Variants in TMEM132D observed in about 807,000 individuals in gnomAD.
TMEM132D encodes the protein mature OL transmembrane protein.
TMEM132D carries 21 observed loss-of-function variants against 62.3 expected under a neutral mutation model. That is an observed-to-expected ratio of 0.34 (90% CI 0.24 to 0.49). The LOEUF is 0.49. Ranked by LOEUF, TMEM132D falls within the 20% of genes least tolerant of loss-of-function variation. The pLI, the probability that TMEM132D is intolerant of heterozygous loss-of-function variation, is 0.99. For missense variants in TMEM132D, 1,346 were observed against 1,402.8 expected (o/e 0.96, Z 0.65); for synonymous variants, 621 against 575.6 (o/e 1.08, Z -1.13).
intron 3 of TMEM132D, among the ~76,000 whole-genome samples, chr12:129,392,106 G>A (rs190780879): frequency 1.3e-5 from 2 of 151,324 alleles, no homozygotes; most frequent in Admixed American, 6.6e-5. Context: ...TGCCCAGGCT[G>A]GAGGGCAATG....
intron 3 of TMEM132D, among the ~76,000 whole-genome samples, chr12:129,386,932 C>T (rs534682089): frequency 9.9e-5 from 15 of 152,094 alleles, no homozygotes; most frequent in South Asian, 6.2e-4. Flanking sequence ...ACACCAATGC[C>T]GATGCCAACA....
rs554690743 is a variant in TMEM132D at position 129,100,006 on chromosome 12, T to C, written c.1444-15304A>G. Among the ~76,000 whole-genome samples the C allele has an allele frequency of 5.7e-5, 7 of 122,100 alleles. No individual in the cohort carries two copies. In the South Asian group the frequency reaches 1.5e-3, roughly 26 times the overall value. 80.1% of individuals were successfully genotyped at this position (122,100 alleles called of 152,430 possible). On this transcript the variant is annotated intron_variant, in intron 5 of 8. Coordinates refer to ENST00000422113, the MANE Select transcript of TMEM132D (RefSeq NM_133448.3). ...ACGCCCGGCTAATTTTTTGTATTTT[T>C]AGTAGAGACGGGGCCACTTTATTTT...
chr12:129,649,175 C>A (rs1425315894), intron 2 of TMEM132D, among the ~76,000 whole-genome samples: 2 of 152,188 alleles, frequency 1.3e-5, no homozygotes, highest in African/African-American at 4.8e-5. Flanking sequence ...GATTCACACT[C>A]AGATCTCTCA....
At chr12:129,465,771 C>A (rs1483973812) in intron 3 of TMEM132D, among the ~76,000 whole-genome samples, 1 of 152,122 alleles carries the variant, frequency 6.6e-6, no homozygotes, top group Non-Finnish European at 1.5e-5. Flanking sequence ...TAACCTCTGC[C>A]TCCCAGGTTC....
At chr12:129,355,809 C>T (rs1450806846) in intron 3 of TMEM132D, among the ~76,000 whole-genome samples, 1 of 152,182 alleles carries the variant, frequency 6.6e-6, no homozygotes, top group African/African-American at 2.4e-5. Flanking sequence ...CTGAAGTCTC[C>T]TTGCCCACAA....
At chr12:129,662,731 T>G (rs1444893591) in intron 2 of TMEM132D, among the ~76,000 whole-genome samples, 2 of 139,510 alleles carry the variant, frequency 1.4e-5, no homozygotes, top group Non-Finnish European at 3.0e-5. Flanking sequence ...AGACGGAGGT[T>G]GCAGTGAGCT....
intron 3 of TMEM132D, among the ~76,000 whole-genome samples, chr12:129,355,400 C>G (rs1870009529): frequency 6.6e-6 from 1 of 151,838 alleles, no homozygotes; most frequent in African/African-American, 2.4e-5. Context: ...GGTGCCAGCG[C>G]CTGTGTGAGT....
intron 1 of TMEM132D, among the ~76,000 whole-genome samples, chr12:129,809,638 A>G (rs777007665): frequency 6.6e-6 from 1 of 152,190 alleles, no homozygotes; most frequent in African/African-American, 2.4e-5. Flanking sequence ...GCTCATTTGT[A>G]AAGTGAATTT....
At chr12:129,709,461 T>C (rs529470058) in intron 1 of TMEM132D, among the ~76,000 whole-genome samples, 1 of 152,350 alleles carries the variant, frequency 6.6e-6, no homozygotes, top group South Asian at 2.1e-4. Context: ...CTTATGAGAC[T>C]GTAAAAAACT....
chr12:129,322,249 T>G (rs549462812), intron 4 of TMEM132D, among the ~76,000 whole-genome samples: 2 of 152,304 alleles, frequency 1.3e-5, no homozygotes, highest in South Asian at 2.1e-4. Context: ...CTGTATATTC[T>G]TACTAATATA....
Position 129,611,050 on chromosome 12 carries a change from G to A in TMEM132D, c.969-79845C>T, listed in dbSNP as rs115249869. Among the ~76,000 whole-genome samples, 394 of 152,298 alleles carry A rather than the reference G, an allele frequency of 2.6e-3. 1 individual carries two copies. The highest frequency in any genetic ancestry group is 9.0e-3 in the African/African-American group (375 of 41,546). On this transcript the variant is annotated intron_variant, in intron 2 of 8. Transcript: ENST00000422113. ...CAGGAATCCAAAAAAATCTATGGCA[G>A]AATTCAAACCAGGATTGCTTGAGAA...
chr12:129,602,838 G>A lies in TMEM132D; in HGVS notation c.969-71633C>T, dbSNP rs117574962. ...AGTACAGAGGTTCAATTGATTCACAGTTATGCAGGGTTGGGTAGGCCTCAG... is the reference window on the plus strand; with the variant it reads ...AGTACAGAGGTTCAATTGATTCACAATTATGCAGGGTTGGGTAGGCCTCAG... On this transcript the variant is annotated intron_variant, in intron 2 of 8. Transcript: ENST00000422113. Among the ~76,000 whole-genome samples, 32 of 152,294 alleles carry A rather than the reference G, an allele frequency of 2.1e-4. No homozygotes were observed. In the East Asian group the frequency reaches 5.2e-3, roughly 25 times the overall value.
chr12:129,227,742 T>A (rs979260796), intron 4 of TMEM132D, among the ~76,000 whole-genome samples: 2 of 151,932 alleles, frequency 1.3e-5, no homozygotes, highest in Non-Finnish European at 2.9e-5. Flanking sequence ...ATGCTATCCC[T>A]CCCCACTACC....
chr12:129,145,997 C>A (rs1278245986), intron 5 of TMEM132D, among the ~76,000 whole-genome samples: 1 of 152,108 alleles, frequency 6.6e-6, no homozygotes, highest in Non-Finnish European at 1.5e-5. Context: ...GGTGGGTACA[C>A]CATGATGTTT....
intron 5 of TMEM132D, among the ~76,000 whole-genome samples, chr12:129,202,023 T>A (rs557852470): frequency 2.0e-3 from 281 of 143,770 alleles, no homozygotes; most frequent in African/African-American, 6.9e-3. Context: ...AAAAAAAAAA[T>A]AAAACAAAAC....
intron 1 of TMEM132D, among the ~76,000 whole-genome samples, chr12:129,740,164 A>G (rs1869554478): frequency 6.6e-6 from 1 of 152,018 alleles, no homozygotes; most frequent in Non-Finnish European, 1.5e-5. Context: ...CTTAACACTG[A>G]CCATATCGTT....
chr12:129,398,629 A>G (rs75322956), intron 3 of TMEM132D, among the ~76,000 whole-genome samples: 2 of 152,198 alleles, frequency 1.3e-5, no homozygotes, highest in African/African-American at 4.8e-5. Context: ...CCTTAGGGAA[A>G]GACACACGAT....
At chr12:129,269,536 G>A (rs779966219) in intron 4 of TMEM132D, among the ~76,000 whole-genome samples, 2 of 152,154 alleles carry the variant, frequency 1.3e-5, no homozygotes, top group African/African-American at 4.8e-5. Flanking sequence ...ATAAGTCTTG[G>A]ATGAATGAAT....
chr12:129,750,500 A>C (rs559551603), intron 1 of TMEM132D, among the ~76,000 whole-genome samples: 1 of 152,338 alleles, frequency 6.6e-6, no homozygotes, highest in Non-Finnish European at 1.5e-5. Flanking sequence ...TATTCCATTA[A>C]TATGGTGAAA....
Sources: gnomAD v4.1 joint callset for allele counts (sites outside exome capture counted in the v4.1 genomes callset) on GRCh38, gnomAD v4.1.1 for gene constraint, MANE v1.5 for transcripts, NCBI Gene and HGNC (gene_info 2026-07-23, HGNC 2026-07-21) for gene names.